The following LRMDA variants were observed in gnomAD, a reference collection of about 807,000 sequenced individuals.
The protein encoded by LRMDA is leucine-rich melanocyte differentiation-associated protein.
Under a neutral mutation model 29.8 loss-of-function variants are expected in LRMDA, and 18 were observed. The ratio of observed to expected loss-of-function variants is 0.60; its 90% CI spans 0.42 to 0.90. The LOEUF (loss-of-function observed/expected upper bound fraction) is 0.90, where lower values mean the gene tolerates loss of function less well. Among genes scored for constraint, LRMDA ranks in the 40% least tolerant of loss-of-function variants. LRMDA has a pLI of 0.00. For synonymous variants in LRMDA, 125 were observed against 109.4 expected, an observed-to-expected ratio of 1.14 and a Z score of -0.89; for missense variants, 273 against 273.9, an observed-to-expected ratio of 1.00 and a Z score of 0.02.
chr10:75,639,858 CATTAAG>C (rs778942178), intron 2 of LRMDA, among the ~76,000 whole-genome samples: 17 of 152,166 alleles, frequency 1.1e-4, no homozygotes, highest in Non-Finnish European at 2.4e-4. Context: ...GGAGAGCGGA[CATTAAG>C]ATTAAGTGAT....
intron 2 of LRMDA, among the ~76,000 whole-genome samples, chr10:75,476,619 G>A (rs1844794418): frequency 6.6e-6 from 1 of 152,234 alleles, no homozygotes; most frequent in South Asian, 2.1e-4. Flanking sequence ...TAGAATCTAG[G>A]CCAACCTTGG....
chr10:76,462,077 C>CCACA (rs5786236), intron 6 of LRMDA, among the ~76,000 whole-genome samples: 52 of 122,586 alleles, frequency 4.2e-4, no homozygotes, highest in African/African-American at 6.4e-4. Flanking sequence ...AAAAAAAAAA[C>CCACA]CACACACACA....
intron 6 of LRMDA, among the ~76,000 whole-genome samples, chr10:76,480,541 G>A (rs117069979): frequency 0.015 from 2,322 of 152,034 alleles, 30 homozygotes; most frequent in Non-Finnish European, 0.023. Context: ...CATAATAGAT[G>A]TATGGCTTTA....
At chr10:76,243,932 G>C (rs888402484) in intron 5 of LRMDA, among the ~76,000 whole-genome samples, 1 of 152,124 alleles carries the variant, frequency 6.6e-6, no homozygotes, top group Admixed American at 6.5e-5. Flanking sequence ...GATAATCCAG[G>C]GGGGCTATAA....
At chr10:75,969,127 T>A (rs1846919964) in intron 2 of LRMDA, among the ~76,000 whole-genome samples, 2 of 152,324 alleles carry the variant, frequency 1.3e-5, no homozygotes, top group African/African-American at 4.8e-5. Flanking sequence ...TCTTTGCCTC[T>A]TGGGTGAATC....
At chr10:76,016,197 A>G (rs998647431) in intron 2 of LRMDA, among the ~76,000 whole-genome samples, 2 of 152,190 alleles carry the variant, frequency 1.3e-5, no homozygotes, top group Non-Finnish European at 2.9e-5. Context: ...ATTTAAATAT[A>G]TGTTGACTTT....
chr10:76,352,501 T>A (rs1245275113), intron 6 of LRMDA, among the ~76,000 whole-genome samples: 1 of 152,138 alleles, frequency 6.6e-6, no homozygotes, highest in Admixed American at 6.5e-5. Flanking sequence ...ACACTGGACA[T>A]AGCGATGACT....
At chr10:76,020,911 A>G (rs971143007) in intron 2 of LRMDA, among the ~76,000 whole-genome samples, 5 of 152,010 alleles carry the variant, frequency 3.3e-5, no homozygotes, top group South Asian at 4.2e-4. Flanking sequence ...TCTTCCTTCA[A>G]TTTTCCCTCA....
At chr10:75,581,572 ACC>A (rs1442019491) in intron 2 of LRMDA, among the ~76,000 whole-genome samples, 1,814 of 152,260 alleles carry the variant, frequency 0.012, 31 homozygotes, top group African/African-American at 0.039. Context: ...CTGGGTATAT[ACC>A]CAAAGGATTA....
chr10:76,126,050 T>C lies in LRMDA; in HGVS notation c.516+67267T>C, dbSNP rs191716630. On this transcript the variant is annotated intron_variant, in intron 5 of 6. Transcript: ENST00000611255. ...AATTATGTGCATTTAGGACCTTTCA[T>C]TGGGCTTTGACATTCAAACCACACA... 1.9e-4 allele frequency among the ~76,000 whole-genome samples: 29 copies of C among 152,332 alleles called. No individual in the cohort carries two copies. The East Asian group carries it at 5.0e-3, about 26-fold the overall frequency.
At chr10:76,519,808 CTCT>C (rs1286847704) in intron 6 of LRMDA, among the ~76,000 whole-genome samples, 1 of 151,940 alleles carries the variant, frequency 6.6e-6, no homozygotes, top group Non-Finnish European at 1.5e-5. Flanking sequence ...TTATAAACAG[CTCT>C]TCTTATGGAG....
intron 5 of LRMDA, among the ~76,000 whole-genome samples, chr10:76,195,413 A>G (rs190740655): frequency 6.6e-6 from 1 of 152,312 alleles, no homozygotes; most frequent in Non-Finnish European, 1.5e-5. Flanking sequence ...TCATTTGTCC[A>G]TCTAATTAGC....
chr10:76,358,937 G>A (rs972446096), intron 6 of LRMDA, among the ~76,000 whole-genome samples: 13 of 152,118 alleles, frequency 8.5e-5, no homozygotes, highest in South Asian at 2.1e-4. Context: ...TTGGCGTCCC[G>A]CTGGAACTGT....
intron 5 of LRMDA, among the ~76,000 whole-genome samples, chr10:76,217,255 A>C (rs1239398412): frequency 6.6e-6 from 1 of 152,196 alleles, no homozygotes; most frequent in Non-Finnish European, 1.5e-5. Flanking sequence ...CAATATAGTG[A>C]CATGATTGAA....
intron 5 of LRMDA, among the ~76,000 whole-genome samples, chr10:76,278,191 GTC>G (rs1840159724): frequency 6.6e-6 from 1 of 152,124 alleles, no homozygotes; most frequent in Admixed American, 6.6e-5. Flanking sequence ...TAACCCTAGA[GTC>G]TTCTGGCTCC....
intron 2 of LRMDA, among the ~76,000 whole-genome samples, chr10:75,540,169 G>A (rs531612424): frequency 5.3e-5 from 8 of 152,290 alleles, no homozygotes; most frequent in African/African-American, 9.6e-5. Flanking sequence ...GTGTGGGAGC[G>A]TATTTTAGGT....
At chr10:75,568,972 CA>C (rs1301159701) in intron 2 of LRMDA, among the ~76,000 whole-genome samples, 1 of 152,186 alleles carries the variant, frequency 6.6e-6, no homozygotes, top group Non-Finnish European at 1.5e-5. Context: ...GCAACCCCTT[CA>C]TAAATATCTG....
intron 2 of LRMDA, among the ~76,000 whole-genome samples, chr10:75,971,583 G>T (rs1352939563): frequency 2.0e-5 from 3 of 152,106 alleles, no homozygotes; most frequent in Admixed American, 6.5e-5. Flanking sequence ...TAGGCTTGTG[G>T]TTCTCCTGGA....
At chr10:76,179,967 C>T (rs1429749472) in intron 5 of LRMDA, among the ~76,000 whole-genome samples, 1 of 152,172 alleles carries the variant, frequency 6.6e-6, no homozygotes. Flanking sequence ...TTCTGCAAAG[C>T]CAGTCATCTC....
Sources: allele counts gnomAD v4.1 joint callset (sites outside exome capture counted in the v4.1 genomes callset), GRCh38; gene constraint gnomAD v4.1.1; transcripts MANE v1.5; gene names NCBI Gene and HGNC (gene_info 2026-07-23, HGNC 2026-07-21).